Variants in VTI1A observed in about 807,000 individuals in gnomAD.
VTI1A encodes vesicle transport through interaction with t-SNAREs 1A, also known as vesicle transport through interaction with t-SNAREs homolog 1A.
A neutral mutation model predicts 34.9 loss-of-function variants in VTI1A; 22 were observed. The ratio of observed to expected loss-of-function variants is 0.63; its 90% CI spans 0.45 to 0.90. The LOEUF is 0.90. Among genes scored for constraint, VTI1A ranks in the 40% least tolerant of loss-of-function variants. VTI1A has a pLI of 0.00. For missense variants in VTI1A, 268 were observed against 275.6 expected (o/e 0.97, Z 0.20); for synonymous variants, 87 against 97.3 (o/e 0.89, Z 0.62).
chr10:112,791,681 C>T (rs1852483053), intron 7 of VTI1A, among the ~76,000 whole-genome samples: 1 of 152,172 alleles, frequency 6.6e-6, no homozygotes, highest in South Asian at 2.1e-4. Context: ...TTGTTTTATA[C>T]ATTTCCACAA....
At chr10:112,462,202 A>G (rs1040381876) in intron 2 of VTI1A, among the ~76,000 whole-genome samples, 2 of 152,174 alleles carry the variant, frequency 1.3e-5, no homozygotes, top group Non-Finnish European at 2.9e-5. Flanking sequence ...TGATTTGACT[A>G]TTGGGATTAA....
At chr10:112,557,250 C>T (rs532012755) in intron 5 of VTI1A, among the ~76,000 whole-genome samples, 8 of 152,078 alleles carry the variant, frequency 5.3e-5, no homozygotes, top group East Asian at 1.9e-4. Context: ...TGTTTAGTGG[C>T]GTGCTATTCC....
At chr10:112,456,477 G>T (rs1847530962) in intron 1 of VTI1A, among the ~76,000 whole-genome samples, 1 of 149,504 alleles carries the variant, frequency 6.7e-6, no homozygotes. Context: ...AATGACCGTT[G>T]TACCCCCTAG....
chr10:112,620,943 A>T (rs1845711018), intron 5 of VTI1A, among the ~76,000 whole-genome samples: 1 of 152,192 alleles, frequency 6.6e-6, no homozygotes, highest in Non-Finnish European at 1.5e-5. Context: ...CCAGACCGGG[A>T]CTATTGGCAG....
intron 7 of VTI1A, among the ~76,000 whole-genome samples, chr10:112,715,545 G>A (rs1411698878): frequency 6.6e-6 from 1 of 152,044 alleles, no homozygotes; most frequent in African/African-American, 2.4e-5. Context: ...CGGTGGAGGT[G>A]GAAACCTTCT....
chr10:112,636,192 T>C (rs1175175521), intron 5 of VTI1A, among the ~76,000 whole-genome samples: 2 of 152,228 alleles, frequency 1.3e-5, no homozygotes, highest in African/African-American at 4.8e-5. Context: ...CAAGGCTGAC[T>C]CTTTCACTAC....
intron 5 of VTI1A, among the ~76,000 whole-genome samples, chr10:112,607,674 G>A (rs2134499130): frequency 6.6e-6 from 1 of 152,280 alleles, no homozygotes; most frequent in Admixed American, 6.5e-5. Context: ...ATTCTTGAGT[G>A]GCATAGCCAG....
At chr10:112,823,592 AT>A (rs1265184915), downstream of VTI1A, 1 of 152,158 alleles carries the variant, frequency 6.6e-6, no homozygotes, top group East Asian at 1.9e-4. Context: ...CGCGTGGCTG[AT>A]TTGGTCCTCC....
chr10:112,496,448 G>C (rs1476150118), intron 3 of VTI1A, among the ~76,000 whole-genome samples: 2 of 152,004 alleles, frequency 1.3e-5, no homozygotes, highest in African/African-American at 2.4e-5. Flanking sequence ...ATGCGCACCT[G>C]TAGTCCCAGC....
Position 112,614,371 on chromosome 10 carries a change from C to T in VTI1A, c.428-53847C>T, listed in dbSNP as rs1589975612. The stretch of plus-strand genomic sequence containing the variant: ...AAGAATAGAATGAGACCTTACTACA[C>T]TTGAGGGGGAGAAAGTGTAGACAGC... On this transcript the variant is annotated intron_variant, in intron 5 of 7. Transcript: ENST00000393077. Among the ~76,000 whole-genome samples, 2 of 152,110 alleles carry T rather than the reference C, an allele frequency of 1.3e-5. 1 individual carries two copies. Among genetic ancestry groups the T allele is most frequent in the African/African-American group, 4.8e-5 (2 of 41,398 alleles).
At chr10:112,605,159 G>GT (rs1845027236) in intron 5 of VTI1A, among the ~76,000 whole-genome samples, 1 of 152,096 alleles carries the variant, frequency 6.6e-6, no homozygotes, top group African/African-American at 2.4e-5. Flanking sequence ...ATCTCCACAG[G>GT]TTTTGCCCCT....
intron 7 of VTI1A, among the ~76,000 whole-genome samples, chr10:112,673,260 G>A (rs1452488250): frequency 6.7e-6 from 1 of 150,254 alleles, no homozygotes; most frequent in Non-Finnish European, 1.5e-5. Context: ...AGGTTGCAGC[G>A]AGCCGAGGTC....
At chr10:112,796,269 G>A (rs1374343296) in intron 7 of VTI1A, among the ~76,000 whole-genome samples, 1 of 152,160 alleles carries the variant, frequency 6.6e-6, no homozygotes, top group South Asian at 2.1e-4. Flanking sequence ...AGCCAGGCAT[G>A]GTGGCAGACA....
intron 5 of VTI1A, among the ~76,000 whole-genome samples, chr10:112,546,088 GTA>G (rs1258208287): frequency 1.3e-5 from 2 of 150,074 alleles, no homozygotes; most frequent in Non-Finnish European, 3.0e-5. Context: ...GTGTATACGC[GTA>G]TGTGTGTATA....
chr10:112,783,420 C>CACACAT (rs1183734040), intron 7 of VTI1A, among the ~76,000 whole-genome samples: 10 of 152,170 alleles, frequency 6.6e-5, no homozygotes, highest in East Asian at 1.9e-4. Flanking sequence ...CACACACACA[C>CACACAT]ACACACTGCC....
the VTI1A span, among the ~76,000 whole-genome samples, chr10:112,846,321 G>A: frequency 1.3e-5 from 2 of 152,204 alleles, no homozygotes; most frequent in African/African-American, 4.8e-5. Context: ...CCTTGGGAGT[G>A]GCTGATGTGT....
intron 5 of VTI1A, among the ~76,000 whole-genome samples, chr10:112,546,204 TACACAC>T (rs140142571): frequency 4.4e-5 from 6 of 136,182 alleles, no homozygotes; most frequent in East Asian, 2.2e-4. Flanking sequence ...TATATATGCA[TACACAC>T]ACACACACAC....
chr10:112,841,973 A>G, the VTI1A span, among the ~76,000 whole-genome samples: 1 of 151,982 alleles, frequency 6.6e-6, no homozygotes, highest in African/African-American at 2.4e-5. Flanking sequence ...AGCAAGCAAC[A>G]TAGTTGATTT....
At chr10:112,671,058 G>A (rs1847828466) in intron 7 of VTI1A, among the ~76,000 whole-genome samples, 1 of 152,182 alleles carries the variant, frequency 6.6e-6, no homozygotes, top group African/African-American at 2.4e-5. Context: ...TTTTGGACTT[G>A]AAAAGGCACA....
Sources: allele counts gnomAD v4.1 joint callset (sites outside exome capture counted in the v4.1 genomes callset), GRCh38; gene constraint gnomAD v4.1.1; transcripts MANE v1.5; gene names NCBI Gene and HGNC (gene_info 2026-07-23, HGNC 2026-07-21).